The following MINAR1 variants were observed in gnomAD, a reference collection of about 807,000 sequenced individuals.
MINAR1 encodes the protein major intrinsically disordered Notch2-binding receptor 1.
In MINAR1, 40 loss-of-function variants were observed where a neutral mutation model predicts 65.1. The ratio of observed to expected loss-of-function variants is 0.61; its 90% CI spans 0.48 to 0.80. The LOEUF (loss-of-function observed/expected upper bound fraction) is 0.80. MINAR1 is among the 30% of genes least tolerant of loss of function. The pLI is 0.00. For synonymous variants in MINAR1, 482 were observed against 449.1 expected, an observed-to-expected ratio of 1.07 and a Z score of -0.93; for missense variants, 1,128 against 1,148.0, an observed-to-expected ratio of 0.98 and a Z score of 0.25.
Position 79,458,190 on chromosome 15 carries a change from G to C in MINAR1, c.2043G>C (p.Trp681Cys), listed in dbSNP as rs765263555. 17 of 1,613,994 alleles carry C rather than the reference G, an allele frequency of 1.1e-5. No homozygotes were observed. The Admixed American group carries it at 2.0e-4, about 19-fold the overall frequency. The stretch of plus-strand genomic sequence containing the variant: ...CCAAACTAGAGAACAACCCTGACTG[G>C]TGCTGCTCTGATGCTAGCGGGAGCA... Reference protein sequence around the residue: ...HGPKLENNPDWCCSDASGSNS... With the variant: ...HGPKLENNPDCCCSDASGSNS... The change falls in exon 2 of 4, where the codon TGG becomes TGC. Residue 681 changes from tryptophan to cysteine, a missense_variant. Transcript: ENST00000305428.
At chr15:79,430,923 A>G (rs1280806379), upstream of MINAR1, among the ~76,000 whole-genome samples, 1 of 152,212 alleles carries the variant, frequency 6.6e-6, no homozygotes, top group Non-Finnish European at 1.5e-5. Context: ...TTGAACATGC[A>G]CCAAAAAATA....
chr15:79,431,722 G>A (rs1282040311), upstream of MINAR1, among the ~76,000 whole-genome samples: 2 of 152,226 alleles, frequency 1.3e-5, no homozygotes, highest in Non-Finnish European at 1.5e-5. Context: ...TGCCACTGGG[G>A]GCCGCAGTCA....
At chr15:79,442,321 C>G (rs1334470749) in intron 1 of MINAR1, among the ~76,000 whole-genome samples, 1 of 151,982 alleles carries the variant, frequency 6.6e-6, no homozygotes, top group African/African-American at 2.4e-5. Context: ...CAAAGTAACA[C>G]ATTTATGTTT....
At position 79,456,590 on chromosome 15, in the gene MINAR1, G is replaced by A. The variant is rs773757616; in HGVS notation, c.443G>A (p.Arg148Gln). The A allele has an allele frequency of 5.6e-6, 9 of 1,613,992 alleles. No individual in the cohort carries two copies. The Admixed American group carries it at 6.7e-5, about 12-fold the overall frequency. Reference protein sequence around the residue: ...NCELSERSFSRGYPIRQSSKC... With the variant: ...NCELSERSFSQGYPIRQSSKC... ...GAGCTGAGTGAGAGGTCTTTCAGCC[G>A]GGGCTACCCCATCAGGCAGTCGTCC... The change falls in exon 2 of 4, where the codon CGG becomes CAG. Residue 148 changes from arginine to glutamine, a missense_variant. Arg to Gln is a conservative substitution (Grantham distance 43). Coordinates refer to ENST00000305428, the MANE Select transcript of MINAR1 (RefSeq NM_015206.3).
chr15:79,461,206 T>C (rs1180519949), intron 2 of MINAR1, among the ~76,000 whole-genome samples: 3 of 152,236 alleles, frequency 2.0e-5, no homozygotes, highest in African/African-American at 4.8e-5. Flanking sequence ...CAATGAAACT[T>C]TCCATCTTAG....
At chr15:79,421,864 G>A in the MINAR1 span, 2 of 148,904 alleles carry the variant, frequency 1.3e-5, no homozygotes, top group African/African-American at 4.9e-5. Flanking sequence ...TTGTTTAGAG[G>A]AAAGGGAAAA....
In MINAR1 at chr15:79,457,906, C is replaced by A; in HGVS notation, c.1759C>A (p.His587Asn). Residue 587 changes from histidine (H) to asparagine (N), a missense_variant, in exon 2 of 4, where the codon CAC (histidine) becomes AAC (asparagine). Coordinates refer to ENST00000305428, the MANE Select transcript of MINAR1 (RefSeq NM_015206.3). Reference sequence around the variant, plus strand: ...GGGCAACCGGCCTGAAAACACCCACCACTCGGAAGAAGAGCTGAAGACCAG... The same window carrying A: ...GGGCAACCGGCCTGAAAACACCCACAACTCGGAAGAAGAGCTGAAGACCAG... ...DKGNRPENTH[H>N]SEEELKTSVC... 6.2e-7 allele frequency: 1 copy of A among 1,614,160 alleles called. No individual in the cohort carries two copies.
intron 2 of MINAR1, among the ~76,000 whole-genome samples, chr15:79,462,664 A>G (rs1223702973): frequency 6.6e-6 from 1 of 152,158 alleles, no homozygotes; most frequent in Non-Finnish European, 1.5e-5. Flanking sequence ...AAGAGGGGGC[A>G]TTAATATCAG....
At chr15:79,425,592 C>T in the MINAR1 span, 1 of 152,150 alleles carries the variant, frequency 6.6e-6, no homozygotes, top group Non-Finnish European at 1.5e-5. Flanking sequence ...AAGCCTCACT[C>T]GTTTGGAGGT....
chr15:79,467,715 T>G (rs529276487), intron 3 of MINAR1, among the ~76,000 whole-genome samples: 1 of 152,228 alleles, frequency 6.6e-6, no homozygotes, highest in African/African-American at 2.4e-5. Context: ...GTTCCTTTGA[T>G]TTTTCAGTAG....
chr15:79,433,492 G>C (rs1024747803), intron 1 of MINAR1, among the ~76,000 whole-genome samples: 8 of 152,254 alleles, frequency 5.3e-5, no homozygotes, highest in Non-Finnish European at 1.0e-4. Context: ...TATCTTAAAG[G>C]CTTCTCACCC....
chr15:79,462,707 A>T (rs6495407), intron 2 of MINAR1, among the ~76,000 whole-genome samples: 47,524 of 152,086 alleles, frequency 0.31, 10,021 homozygotes, highest in African/African-American at 0.6. Context: ...CCAGATGATC[A>T]GGTTTAAATC....
chr15:79,414,786 C>A, the MINAR1 span: 1 of 152,024 alleles, frequency 6.6e-6, no homozygotes, highest in Non-Finnish European at 1.5e-5. Context: ...TGAGTAAGAC[C>A]CGATCAAATT....
chr15:79,470,393 C>A lies in MINAR1; in HGVS notation c.*2009C>A, dbSNP rs1426563351. 1 of 152,174 alleles carries A rather than the reference C, an allele frequency of 6.6e-6. No individual in the cohort carries two copies. Among genetic ancestry groups the A allele is most frequent in the Non-Finnish European group, 1.5e-5 (1 of 68,044 alleles). 9.4% of individuals were successfully genotyped at this position (152,174 alleles called of 1,614,324 possible). On this transcript the variant is annotated 3_prime_UTR_variant, in exon 4 of 4. Coordinates refer to ENST00000305428, the MANE Select transcript of MINAR1 (RefSeq NM_015206.3). Reference sequence around the variant, plus strand: ...TATCACAGATGAAGTGCCAGAGCATCAGAGATAGGTAGCTCCCAACCTCTT... The same window carrying A: ...TATCACAGATGAAGTGCCAGAGCATAAGAGATAGGTAGCTCCCAACCTCTT...
intron 2 of MINAR1, among the ~76,000 whole-genome samples, chr15:79,461,987 C>A (rs1234362945): frequency 2.0e-5 from 3 of 152,256 alleles, no homozygotes; most frequent in Non-Finnish European, 4.4e-5. Context: ...CCTAAACATT[C>A]TCCTTCTCTT....
intron 3 of MINAR1, among the ~76,000 whole-genome samples, chr15:79,467,789 GTTC>G (rs1187280297): frequency 6.6e-6 from 1 of 152,220 alleles, no homozygotes; most frequent in African/African-American, 2.4e-5. Context: ...AAGCAGATCT[GTTC>G]TTAGAGCCTG....
At chr15:79,431,714 C>T (rs1007554371), upstream of MINAR1, among the ~76,000 whole-genome samples, 1 of 152,244 alleles carries the variant, frequency 6.6e-6, no homozygotes, top group Non-Finnish European at 1.5e-5. Context: ...CCCCTGCTTG[C>T]CACTGGGGGC....
rs138811125 is a variant in MINAR1 at position 79,442,411 on chromosome 15, G to C, written c.-51+9871G>C. On this transcript the variant is annotated intron_variant, in intron 1 of 3. Transcript: ENST00000305428. Reference sequence around the variant, plus strand: ...TGACTGTTTATCTATATTTGGGTCTGCTACTTTCTATTCTGTTCCATTGAT... The same window carrying C: ...TGACTGTTTATCTATATTTGGGTCTCCTACTTTCTATTCTGTTCCATTGAT... Among the ~76,000 whole-genome samples, 540 of 151,994 alleles carry C rather than the reference G, an allele frequency of 3.6e-3. 4 individuals carry two copies. Among genetic ancestry groups the C allele is most frequent in the African/African-American group, 0.012 (515 of 41,504 alleles).
the MINAR1 span, chr15:79,422,108 C>T: frequency 6.6e-6 from 1 of 152,264 alleles, no homozygotes; most frequent in African/African-American, 2.4e-5. Context: ...CTCATATGAC[C>T]TTGTGAACAG....
Sources: allele counts gnomAD v4.1 joint callset (sites outside exome capture counted in the v4.1 genomes callset), GRCh38; gene constraint gnomAD v4.1.1; transcripts MANE v1.5; gene names NCBI Gene and HGNC (gene_info 2026-07-23, HGNC 2026-07-21).